Variants in ZNF90 observed in about 807,000 individuals in gnomAD.
ZNF90 encodes zinc finger protein HTF9.
ZNF90 carries 11 observed loss-of-function variants against 12.0 expected under a neutral mutation model. That is an observed-to-expected ratio of 0.92 (90% CI 0.58 to 1.52). ZNF90 has a LOEUF of 1.52. Among genes scored for constraint, ZNF90 ranks in the 40% most tolerant of loss-of-function variants. The pLI is 0.00. For missense variants in ZNF90, 765 were observed against 711.5 expected (o/e 1.08, Z -0.86); for synonymous variants, 232 against 240.1 (o/e 0.97, Z 0.31).
rs1568295206 is a variant in ZNF90, at chr19:20,119,179, G to C, written c.1625G>C (p.Cys542Ser). ...GCGAAACCCTACAAATGTGAAGAAT[G>C]TGGCAAAGCCTTTAAGCGCTCCTCA... ...TGAKPYKCEE[C>S]GKAFKRSSQL... is the part of the protein sequence containing the mutation. Residue 542 changes from cysteine (C) to serine (S), a missense_variant, in exon 4 of 4, where the codon TGT becomes TCT. Transcript: ENST00000418063. 2 of 1,613,026 alleles carry C rather than the reference G, an allele frequency of 1.2e-6. No homozygotes were observed. Among genetic ancestry groups the C allele is most frequent in the Non-Finnish European group, 1.7e-6 (2 of 1,179,364 alleles).
At chr19:20,098,687 C>G (rs2088966841) in intron 1 of ZNF90, among the ~76,000 whole-genome samples, 1 of 152,316 alleles carries the variant, frequency 6.6e-6, no homozygotes, top group Non-Finnish European at 1.5e-5. Context: ...GGGCCATGAG[C>G]CCAGGGTCAC....
chr19:20,110,481 G>C (rs1198047278), intron 3 of ZNF90, among the ~76,000 whole-genome samples: 2 of 152,014 alleles, frequency 1.3e-5, no homozygotes, highest in Non-Finnish European at 2.9e-5. Context: ...GGCCAGGCTG[G>C]TCTCAGACTC....
intron 3 of ZNF90, among the ~76,000 whole-genome samples, chr19:20,113,454 A>G (rs1272666289): frequency 1.3e-5 from 2 of 151,930 alleles, no homozygotes; most frequent in Non-Finnish European, 2.9e-5. Context: ...TGGCCTCCCA[A>G]AGTGCTGGGA....
rs782798011 is a variant in ZNF90, at chr19:20,117,904, G to C, written c.350G>C (p.Cys117Ser). The C allele has an allele frequency of 6.2e-7, 1 of 1,612,420 alleles. No homozygotes were observed. Among genetic ancestry groups the C allele is most frequent in the African/African-American group, 1.3e-5 (1 of 74,972 alleles). ...GGCAATTTAGAGTTAAAAAAAGGTT[G>C]TGAAAGTGTGGATGAGGGTAAAGTA... ...EYGNLELKKG[C>S]ESVDEGKVHK... The change falls in exon 4 of 4, where the codon TGT (cysteine) becomes TCT (serine). Residue 117 changes from cysteine to serine, a missense_variant. Cys to Ser is a moderately radical substitution (Grantham distance 112). Transcript: ENST00000418063.
intron 1 of ZNF90, among the ~76,000 whole-genome samples, chr19:20,091,512 A>G (rs1555702708): frequency 1.3e-5 from 2 of 151,860 alleles, no homozygotes; most frequent in Non-Finnish European, 2.9e-5. Flanking sequence ...TCCGTGGGGG[A>G]GTAGGTGGGA....
intron 1 of ZNF90, among the ~76,000 whole-genome samples, chr19:20,085,957 G>A (rs150588881): frequency 7.9e-5 from 12 of 152,154 alleles, no homozygotes; most frequent in Admixed American, 6.5e-4. Context: ...GCATACAGAA[G>A]CTTAGCACAA....
intron 3 of ZNF90, among the ~76,000 whole-genome samples, chr19:20,109,411 T>C (rs1417145590): frequency 6.6e-6 from 1 of 152,134 alleles, no homozygotes; most frequent in Non-Finnish European, 1.5e-5. Flanking sequence ...TTTCACCATG[T>C]GTTTAATAAT....
rs1248868057 is a variant in ZNF90, at chr19:20,121,037, A to G, written c.*1677A>G. On this transcript the variant is annotated 3_prime_UTR_variant, in exon 4 of 4. Transcript: ENST00000418063. ...GTATTTGACCTATATTAAGTAATGT[A>G]TAAGGTAGTGTTCAGAGTAATACTT... The G allele has an allele frequency of 1.2e-5, 2 of 160,534 alleles. No individual in the cohort carries two copies. The highest frequency in any genetic ancestry group is 2.8e-5 in the Non-Finnish European group (2 of 72,554). 9.9% of individuals were successfully genotyped at this position (160,534 alleles called of 1,614,324 possible).
intron 1 of ZNF90, among the ~76,000 whole-genome samples, chr19:20,088,892 C>CT (rs1568283494): frequency 1.3e-5 from 2 of 152,118 alleles, no homozygotes; most frequent in Admixed American, 6.5e-5. Context: ...TGGAAGAACT[C>CT]TTTTTTGTCA....
chr19:20,090,427 A>G (rs1438077409), intron 1 of ZNF90, among the ~76,000 whole-genome samples: 1 of 152,140 alleles, frequency 6.6e-6, no homozygotes, highest in African/African-American at 2.4e-5. Context: ...TGTGACTTCT[A>G]GGAGGAAGAG....
intron 1 of ZNF90, among the ~76,000 whole-genome samples, chr19:20,082,696 T>C (rs1346738593): frequency 6.6e-5 from 10 of 152,186 alleles, no homozygotes. Flanking sequence ...CCCCATGTGA[T>C]AGTCTGAAAT....
At position 20,118,619 on chromosome 19, in the gene ZNF90, C is replaced by CAACA; in HGVS notation, c.1065_1066insAACA (p.Leu356AsnfsTer6). 6.2e-7 allele frequency: 1 copy of CAACA among 1,612,028 alleles called. No individual in the cohort carries two copies. Among genetic ancestry groups the CAACA allele is most frequent in the East Asian group, 2.2e-5 (1 of 44,754 alleles). ...GCAAAGCCTTCAGGCGCTCCTTAGT[C>CAACA]CTTCGTACACATAAGAGAATTCATA... is the stretch of plus-strand genomic sequence containing the variant. On this transcript the variant is annotated frameshift_variant, in exon 4 of 4. Transcript: ENST00000418063. LOFTEE classifies it low-confidence loss of function (END_TRUNC).
chr19:20,105,803 T>C (rs557525055), intron 3 of ZNF90, among the ~76,000 whole-genome samples: 1 of 152,308 alleles, frequency 6.6e-6, no homozygotes, highest in East Asian at 1.9e-4. Context: ...ATAAGTATGA[T>C]ATACTTCTGC....
chr19:20,103,138 C>T (rs192725587), intron 1 of ZNF90, among the ~76,000 whole-genome samples: 6 of 152,204 alleles, frequency 3.9e-5, no homozygotes, highest in East Asian at 3.9e-4. Context: ...TTGCGATCCT[C>T]GAGGCTGTGA....
At chr19:20,085,549 C>G (rs111238183) in intron 1 of ZNF90, among the ~76,000 whole-genome samples, 1 of 152,140 alleles carries the variant, frequency 6.6e-6, no homozygotes, top group East Asian at 1.9e-4. Flanking sequence ...CTTGAGCCAC[C>G]GCGCCCGGCC....
rs139433605 is a variant in ZNF90 at position 20,118,959 on chromosome 19, A to G, written c.1405A>G (p.Thr469Ala). The G allele has an allele frequency of 6.2e-6, 10 of 1,612,252 alleles. No individual in the cohort carries two copies. The African/African-American group carries it at 1.2e-4, about 19-fold the overall frequency. The change falls in exon 4 of 4, where the codon ACT (threonine) becomes GCT (alanine). Residue 469 changes from threonine to alanine, a missense_variant. Physicochemically the swap from Thr to Ala is moderately conservative, Grantham distance 58. Transcript: ENST00000418063. The part of the protein sequence containing the change: ...GKAFKRSSNL[T>A]THKISHTEEK... ...AGCCTTCAAGCGCTCCTCAAACCTT[A>G]CTACACATAAGATAAGTCATACTGA... is the stretch of plus-strand genomic sequence containing the variant.
rs2089188661 is a variant in ZNF90 at position 20,120,805 on chromosome 19, AT to A, written c.*1450del. On this transcript the variant is annotated 3_prime_UTR_variant, in exon 4 of 4. Coordinates refer to ENST00000418063, the MANE Select transcript of ZNF90 (RefSeq NM_007138.2). ...AGTATACTTGCTTTCTTGAGAAAAA[AT>A]TTTTGAAAAGTGAATAAGGTAATAG... The A allele has an allele frequency of 1.3e-5, 2 of 152,188 alleles. No individual in the cohort carries two copies. Among genetic ancestry groups the A allele is most frequent in the South Asian group, 4.1e-4 (2 of 4,836 alleles). The allele number at this position is 152,188 out of a possible 1,614,324, so 9.4% of individuals were successfully genotyped here. A position where few individuals can be genotyped will look rare whatever the true frequency, so the allele number is the denominator to read the frequency against.
Position 20,119,517 on chromosome 19 carries a change from A to C in ZNF90, c.*157A>C. On this transcript the variant is annotated 3_prime_UTR_variant, in exon 4 of 4. Coordinates refer to ENST00000418063, the MANE Select transcript of ZNF90 (RefSeq NM_007138.2). ...CTCCTACAAAAATAAAGAATGTGAC[A>C]AATCATTTTAAGGAAGTTCTCAACC... 1.4e-6 allele frequency: 1 copy of C among 703,742 alleles called. No individual in the cohort carries two copies. Among genetic ancestry groups the C allele is most frequent in the Non-Finnish European group, 2.3e-6 (1 of 434,288 alleles). 43.6% of individuals were successfully genotyped at this position (703,742 alleles called of 1,614,324 possible).
At chr19:20,087,887 T>C (rs1185643193) in intron 1 of ZNF90, among the ~76,000 whole-genome samples, 3 of 148,740 alleles carry the variant, frequency 2.0e-5, no homozygotes, top group Non-Finnish European at 4.5e-5. Context: ...GGAATGGGGG[T>C]CGCAAGGTGC....
Sources: allele counts gnomAD v4.1 joint callset (sites outside exome capture counted in the v4.1 genomes callset), GRCh38; gene constraint gnomAD v4.1.1; transcripts MANE v1.5; gene names NCBI Gene and HGNC (gene_info 2026-07-23, HGNC 2026-07-21).